PLEKHA7: variants seen among roughly 807,000 people sequenced by gnomAD.
The protein encoded by PLEKHA7 is pleckstrin homology domain containing A7, also known as pleckstrin homology domain-containing family A member 7.
PLEKHA7 carries 104 observed loss-of-function variants against 170.0 expected under a neutral mutation model. The ratio of observed to expected loss-of-function variants is 0.61; its 90% CI spans 0.52 to 0.72. The LOEUF is 0.72. Ranked by LOEUF, PLEKHA7 falls within the 30% of genes least tolerant of loss-of-function variation. The pLI is 0.00. For missense variants in PLEKHA7, 1,615 were observed against 1,671.7 expected, an observed-to-expected ratio of 0.97 and a Z score of 0.59; for synonymous variants, 648 against 660.8, an observed-to-expected ratio of 0.98 and a Z score of 0.30.
chr11:16,951,247 T>C (rs1861387905), intron 3 of PLEKHA7, among the ~76,000 whole-genome samples: 1 of 152,020 alleles, frequency 6.6e-6, no homozygotes, highest in Non-Finnish European at 1.5e-5. Context: ...CACCTTGCCC[T>C]TCAGCCTCCT....
chr11:16,899,909 T>C (rs543119379), intron 3 of PLEKHA7, among the ~76,000 whole-genome samples: 1 of 152,314 alleles, frequency 6.6e-6, no homozygotes, highest in African/African-American at 2.4e-5. Context: ...TGGCCTGCTC[T>C]TACTGGTCCC....
intron 3 of PLEKHA7, among the ~76,000 whole-genome samples, chr11:16,966,119 G>T (rs1862356186): frequency 6.6e-6 from 1 of 152,196 alleles, no homozygotes; most frequent in Non-Finnish European, 1.5e-5. Context: ...GGAGGTGGGG[G>T]TTGCAGTGAG....
At chr11:16,988,937 G>A (rs1863885335) in intron 3 of PLEKHA7, among the ~76,000 whole-genome samples, 1 of 152,164 alleles carries the variant, frequency 6.6e-6, no homozygotes, top group East Asian at 1.9e-4. Context: ...TCTTTTCCAT[G>A]TAAAATACCC....
chr11:16,925,442 A>G (rs1020356804), intron 3 of PLEKHA7, among the ~76,000 whole-genome samples: 1 of 151,708 alleles, frequency 6.6e-6, no homozygotes, highest in Non-Finnish European at 1.5e-5. Context: ...GACACAAAGC[A>G]CCCCCAAAAG....
intron 13 of PLEKHA7, chr11:16,803,670 AAC>A (rs999018019): frequency 4.2e-5 from 9 of 214,676 alleles, no homozygotes; most frequent in Admixed American, 3.2e-4. Flanking sequence ...CGTGGGAACA[AAC>A]ACAAGTTACG....
At chr11:16,828,552 G>C (rs943431685) in intron 9 of PLEKHA7, among the ~76,000 whole-genome samples, 2 of 152,058 alleles carry the variant, frequency 1.3e-5, no homozygotes, top group Non-Finnish European at 2.9e-5. Context: ...CGCTGTTCAC[G>C]TACCAATGTC....
chr11:16,901,128 T>C (rs1466850758), intron 3 of PLEKHA7, among the ~76,000 whole-genome samples: 4 of 152,200 alleles, frequency 2.6e-5, no homozygotes, highest in Non-Finnish European at 1.5e-5. Context: ...ATTACAGGCA[T>C]GAGCCACTGC....
chr11:17,003,615 G>C (rs903044125), intron 3 of PLEKHA7, among the ~76,000 whole-genome samples: 2 of 152,202 alleles, frequency 1.3e-5, no homozygotes, highest in African/African-American at 4.8e-5. Flanking sequence ...AAAGAGAGCA[G>C]GTAACCTGCC....
chr11:16,871,910 T>C (rs1256112195), intron 3 of PLEKHA7, among the ~76,000 whole-genome samples: 8 of 151,364 alleles, frequency 5.3e-5, no homozygotes, highest in African/African-American at 1.9e-4. Context: ...AAACTAACCC[T>C]CCTCTTTTAA....
At chr11:16,994,215 G>A (rs763291992) in intron 3 of PLEKHA7, among the ~76,000 whole-genome samples, 1 of 152,182 alleles carries the variant, frequency 6.6e-6, no homozygotes, top group African/African-American at 2.4e-5. Context: ...GCAAAGCTGC[G>A]AGGAGGGCCA....
chr11:17,002,989 C>CTTTTTTTTTTTTTTTTTTTTTTTTTTTT lies in PLEKHA7; in HGVS notation c.221+10999_221+11000insAAAAAAAAAAAAAAAAAAAAAAAAAAAA, dbSNP rs568718448. Reference sequence around the variant, plus strand: ...CCTTTAAGTACCAGAATAGTTGTGCCTTTTTTTTTTTTTTTTTTTTGTGAT... The same window carrying CTTTTTTTTTTTTTTTTTTTTTTTTTTTT: ...CCTTTAAGTACCAGAATAGTTGTGCCTTTTTTTTTTTTTTTTTTTTTTTTTTTTTTTTTTTTTTTTTTTTTTTTGTGAT... On this transcript the variant is annotated intron_variant, in intron 3 of 26. Transcript: ENST00000531066. 2.7e-5 allele frequency among the ~76,000 whole-genome samples: 3 copies of CTTTTTTTTTTTTTTTTTTTTTTTTTTTT among 113,018 alleles called. 1 individual carries two copies. Among genetic ancestry groups the CTTTTTTTTTTTTTTTTTTTTTTTTTTTT allele is most frequent in the Non-Finnish European group, 1.8e-5 (1 of 56,158 alleles). The allele number at this position is 113,018 out of a possible 152,430, so 74.1% of individuals were successfully genotyped here.
chr11:16,788,665 G>A (rs757258357), intron 23 of PLEKHA7: 11 of 231,946 alleles, frequency 4.7e-5, no homozygotes, highest in South Asian at 3.0e-4. Flanking sequence ...GTGACCCCGT[G>A]CTCCATCACC....
chr11:17,005,245 T>G (rs909842016), intron 3 of PLEKHA7, among the ~76,000 whole-genome samples: 1 of 152,070 alleles, frequency 6.6e-6, no homozygotes, highest in African/African-American at 2.4e-5. Flanking sequence ...CAAAAGAGAA[T>G]GGAGGCTGGG....
At position 16,783,800 on chromosome 11, in the gene PLEKHA7, G is replaced by T. The variant is rs1238748957; in HGVS notation, c.3550C>A (p.Arg1184Ser). 6.6e-7 allele frequency: 1 copy of T among 1,510,354 alleles called. No homozygotes were observed. The highest frequency in any genetic ancestry group is 1.4e-5 in the African/African-American group (1 of 71,768). 93.6% of individuals were successfully genotyped at this position (1,510,354 alleles called of 1,614,324 possible). A position where few individuals can be genotyped will look rare whatever the true frequency, so the allele number is the denominator to read the frequency against. ...TCTTCGGGATCTAGCTCCACGTAGCGCTCAGGGATTGACACCTTCTCTGGT... is the reference window on the plus strand; with the variant it reads ...TCTTCGGGATCTAGCTCCACGTAGCTCTCAGGGATTGACACCTTCTCTGGT... ...SKPEKVSIPERYVELDPEEPP... is the reference protein window; with the variant it reads ...SKPEKVSIPESYVELDPEEPP... The change falls in exon 25 of 27, where the codon CGC becomes AGC. Residue 1184 changes from arginine to serine, a missense_variant. Arg to Ser is a moderately radical substitution (Grantham distance 110). Coordinates refer to ENST00000531066, the MANE Select transcript of PLEKHA7 (RefSeq NM_001329630.2).
At chr11:16,974,328 A>G (rs1374128647) in intron 3 of PLEKHA7, among the ~76,000 whole-genome samples, 1 of 149,824 alleles carries the variant, frequency 6.7e-6, no homozygotes, top group Non-Finnish European at 1.5e-5. Flanking sequence ...GAAAACCACA[A>G]TTTCGTCATT....
chr11:16,835,452 A>C (rs1239846713), intron 9 of PLEKHA7, among the ~76,000 whole-genome samples: 1 of 152,162 alleles, frequency 6.6e-6, no homozygotes, highest in East Asian at 1.9e-4. Flanking sequence ...CAGAGAAGAG[A>C]GTGCAGTTTG....
chr11:16,813,755 T>C (rs1849545550), intron 12 of PLEKHA7, among the ~76,000 whole-genome samples: 1 of 152,236 alleles, frequency 6.6e-6, no homozygotes, highest in African/African-American at 2.4e-5. Context: ...GGAGCCAATG[T>C]AGCCATGTCA....
chr11:16,847,335 GC>G (rs1381250475), intron 8 of PLEKHA7, among the ~76,000 whole-genome samples: 1 of 151,736 alleles, frequency 6.6e-6, no homozygotes, highest in Non-Finnish European at 1.5e-5. Context: ...CTCGTGATCC[GC>G]CCCCCTCTGC....
At chr11:17,005,695 T>C (rs980913639) in intron 3 of PLEKHA7, among the ~76,000 whole-genome samples, 1 of 152,206 alleles carries the variant, frequency 6.6e-6, no homozygotes, top group African/African-American at 2.4e-5. Flanking sequence ...AAAAAGCAAC[T>C]TGCAACCATT....
Sources: gnomAD v4.1 joint callset for allele counts (sites outside exome capture counted in the v4.1 genomes callset) on GRCh38, gnomAD v4.1.1 for gene constraint, MANE v1.5 for transcripts, NCBI Gene and HGNC (gene_info 2026-07-23, HGNC 2026-07-21) for gene names.